The following R3HDM1 variants were observed in gnomAD, a reference collection of about 807,000 sequenced individuals.
R3HDM1 encodes the protein R3H domain containing 1.
R3HDM1 carries 46 observed loss-of-function variants against 141.1 expected under a neutral mutation model. That is an observed-to-expected ratio of 0.33 (90% CI 0.26 to 0.42). The LOEUF is 0.42. R3HDM1 is among the 10% of genes least tolerant of loss of function. R3HDM1 has a pLI of 1.00. For synonymous variants in R3HDM1, 435 were observed against 472.9 expected (o/e 0.92, Z 1.04); for missense variants, 1,184 against 1,368.3 (o/e 0.87, Z 2.12).
rs565620349 is a variant in R3HDM1 at position 135,680,771 on chromosome 2, CA to C, written c.2459+454del. ...GGCAACAAGAGTGAACTTCTGTCTC[CA>C]AAAAAATATATATGTATATTTCTTT... On this transcript the variant is annotated intron_variant, in intron 21 of 26. Transcript: ENST00000683871. 4.3e-4 allele frequency among the ~76,000 whole-genome samples: 65 copies of C among 152,084 alleles called. 1 individual carries two copies. In the East Asian group the frequency reaches 0.011, roughly 27 times the overall value.
intron 1 of R3HDM1, among the ~76,000 whole-genome samples, chr2:135,559,645 C>A (rs1489678921): frequency 6.6e-6 from 1 of 152,188 alleles, no homozygotes; most frequent in Non-Finnish European, 1.5e-5. Context: ...ATCTCATTTC[C>A]CTCCTTCCTG....
intron 21 of R3HDM1, among the ~76,000 whole-genome samples, chr2:135,708,583 T>C (rs1376858004): frequency 6.6e-6 from 1 of 152,204 alleles, no homozygotes; most frequent in Non-Finnish European, 1.5e-5. Context: ...AGTATCATTC[T>C]GTGGTTTTTA....
chr2:135,610,445 G>A (rs2060437793), intron 3 of R3HDM1, among the ~76,000 whole-genome samples: 1 of 152,196 alleles, frequency 6.6e-6, no homozygotes, highest in African/African-American at 2.4e-5. Flanking sequence ...TCCATACACA[G>A]AGTTGGCTAA....
chr2:135,695,290 G>A (rs1402010439), intron 21 of R3HDM1, among the ~76,000 whole-genome samples: 1 of 152,138 alleles, frequency 6.6e-6, no homozygotes, highest in Non-Finnish European at 1.5e-5. Flanking sequence ...TACTGAGAAT[G>A]CAGAGAATCA....
chr2:135,539,253 T>C (rs181451276), intron 1 of R3HDM1, among the ~76,000 whole-genome samples: 84 of 152,272 alleles, frequency 5.5e-4, no homozygotes, highest in African/African-American at 1.9e-3. Flanking sequence ...ATCAGTATCA[T>C]AGTCATTTAT....
chr2:135,622,877 A>G, intron 7 of R3HDM1, 145 bp downstream of exon 7: 1 of 1,355,538 alleles, frequency 7.4e-7, no homozygotes. Context: ...TAGGGCAAAG[A>G]TGTTGTTGGT....
intron 21 of R3HDM1, among the ~76,000 whole-genome samples, chr2:135,706,628 C>T (rs1487718070): frequency 6.6e-6 from 1 of 152,104 alleles, no homozygotes; most frequent in Non-Finnish European, 1.5e-5. Flanking sequence ...GCACATCTTG[C>T]ACCGCCCTTA....
chr2:135,612,503 T>C (rs1343660381), intron 3 of R3HDM1, among the ~76,000 whole-genome samples: 3 of 152,176 alleles, frequency 2.0e-5, no homozygotes, highest in Non-Finnish European at 4.4e-5. Context: ...TTCTCCAAAT[T>C]CTAGTAGCTG....
intron 1 of R3HDM1, among the ~76,000 whole-genome samples, chr2:135,582,447 G>C (rs1462077764): frequency 6.6e-6 from 1 of 152,184 alleles, no homozygotes; most frequent in Non-Finnish European, 1.5e-5. Context: ...TTTATGTTCA[G>C]TAAAAGCAGA....
chr2:135,717,155 A>G, intron 24 of R3HDM1, among the ~76,000 whole-genome samples: 1 of 152,180 alleles, frequency 6.6e-6, no homozygotes, highest in South Asian at 2.1e-4. Context: ...AATGGCTATA[A>G]TCAAAAAGAC....
Position 135,651,997 on chromosome 2 carries a change from C to T in R3HDM1, c.1993C>T (p.Gln665Ter). The T allele has an allele frequency of 1.2e-6, 2 of 1,607,460 alleles. No homozygotes were observed. Among genetic ancestry groups the T allele is most frequent in the Non-Finnish European group, 1.7e-6 (2 of 1,176,232 alleles). ...SGHPVSQPVL[Q>*]QQGYIQQPSP... ...TCATCCTGTCAGCCAGCCTGTGCTC[C>T]AGCAGCAGGGATATATTCAGCAGCC... is the stretch of plus-strand genomic sequence containing the variant. The change falls in exon 18 of 27, where the codon CAG (glutamine) becomes TAG (stop). Residue 665 changes from glutamine (Q) to a stop codon, truncating the protein, a stop_gained. Transcript: ENST00000683871. LOFTEE classifies it high-confidence loss of function.
At chr2:135,597,004 G>C in intron 1 of R3HDM1, 1 of 982,110 alleles carries the variant, frequency 1.0e-6, no homozygotes, top group Non-Finnish European at 1.2e-6. Context: ...CAATGTATGA[G>C]AGGCCCATTG....
intron 3 of R3HDM1, among the ~76,000 whole-genome samples, chr2:135,609,026 A>G (rs1320349008): frequency 2.0e-5 from 3 of 152,128 alleles, no homozygotes; most frequent in African/African-American, 7.2e-5. Context: ...TAATTAAGGG[A>G]TGTTACAGCC....
chr2:135,565,534 C>T (rs80277803), intron 1 of R3HDM1, among the ~76,000 whole-genome samples: 1,782 of 151,758 alleles, frequency 0.012, 30 homozygotes, highest in African/African-American at 0.04. Context: ...AATCAAAAAT[C>T]GCTTTTCTTT....
At chr2:135,591,601 T>A (rs1559186724) in intron 1 of R3HDM1, among the ~76,000 whole-genome samples, 1 of 152,212 alleles carries the variant, frequency 6.6e-6, no homozygotes. Flanking sequence ...CAAAACACAT[T>A]AAAGAATATA....
intron 1 of R3HDM1, among the ~76,000 whole-genome samples, chr2:135,551,492 AAAAC>A (rs1036303498): frequency 2.0e-5 from 3 of 152,242 alleles, no homozygotes; most frequent in African/African-American, 7.2e-5. Context: ...TAATGAAAAA[AAAAC>A]AGTGCAACAG....
intron 1 of R3HDM1, among the ~76,000 whole-genome samples, chr2:135,540,192 G>A (rs903497291): frequency 6.6e-6 from 1 of 152,122 alleles, no homozygotes; most frequent in Non-Finnish European, 1.5e-5. Context: ...ATGATATCAT[G>A]AGCAGCAATT....
chr2:135,561,452 C>A (rs1178392079), intron 1 of R3HDM1: 1 of 664,420 alleles, frequency 1.5e-6, no homozygotes, highest in Non-Finnish European at 1.9e-6. Context: ...CGTGGTGGCT[C>A]ACACTTGAAA....
chr2:135,708,364 C>A (rs1488502810), intron 21 of R3HDM1, among the ~76,000 whole-genome samples: 1 of 152,176 alleles, frequency 6.6e-6, no homozygotes, highest in Non-Finnish European at 1.5e-5. Context: ...ATTGCGTCAT[C>A]ATACTGTCAT....
Sources: gnomAD v4.1 joint callset for allele counts (sites outside exome capture counted in the v4.1 genomes callset) on GRCh38, gnomAD v4.1.1 for gene constraint, MANE v1.5 for transcripts, NCBI Gene and HGNC (gene_info 2026-07-23, HGNC 2026-07-21) for gene names.